Variants in NEK6 observed in about 807,000 individuals in gnomAD.
The protein encoded by NEK6 is serine/threonine-protein kinase Nek6.
NEK6 carries 27 observed loss-of-function variants against 43.5 expected under a neutral mutation model. The observed-to-expected ratio is 0.62, with a 90% CI of 0.46 to 0.86. The LOEUF is 0.86. Ranked by LOEUF, NEK6 falls within the 40% of genes least tolerant of loss-of-function variation. The pLI, the probability that NEK6 is intolerant of heterozygous loss-of-function variation, is 0.00. For synonymous variants in NEK6, 167 were observed against 164.1 expected, an observed-to-expected ratio of 1.02 and a Z score of -0.14; for missense variants, 318 against 414.4, an observed-to-expected ratio of 0.77 and a Z score of 2.02.
At chr9:124,345,485 C>CTGGA (rs1829871320) in intron 8 of NEK6, among the ~76,000 whole-genome samples, 1 of 152,172 alleles carries the variant, frequency 6.6e-6, no homozygotes, top group African/African-American at 2.4e-5. Context: ...GGAGAAAGTG[C>CTGGA]TGGAAAGAGC....
At chr9:124,294,248 C>T (rs1051557657) in intron 1 of NEK6, among the ~76,000 whole-genome samples, 3 of 152,220 alleles carry the variant, frequency 2.0e-5, no homozygotes, top group African/African-American at 7.2e-5. Context: ...TGCTTATAAT[C>T]TCAGCTACTC....
intron 1 of NEK6, chr9:124,292,429 C>T: frequency 6.5e-7 from 1 of 1,536,116 alleles, no homozygotes; most frequent in Non-Finnish European, 8.7e-7. Context: ...GTTTTGTCTG[C>T]CCCTTCCTGC....
chr9:124,275,314 A>C lies in NEK6; in HGVS notation c.-30+17229A>C, dbSNP rs12236627. Among the ~76,000 whole-genome samples, 148 of 152,292 alleles carry C rather than the reference A, an allele frequency of 9.7e-4. No individual in the cohort carries two copies. In the East Asian group the frequency reaches 0.026, roughly 27 times the overall value. On this transcript the variant is annotated intron_variant, in intron 1 of 9. Transcript: ENST00000320246. The surrounding 1 kb of genome is among the most constrained non-coding windows in gnomAD (Gnocchi z 4.4). ...GTCACTAACTTGCCGGATGTCTTTG[A>C]GTCATGGTTTCACCTGCCTGAGCCT...
At position 124,343,196 on chromosome 9, in the gene NEK6, G is replaced by A. The variant is rs1045808677; in HGVS notation, c.717+3531G>A. The stretch of plus-strand genomic sequence containing the variant: ...TTTGTTGGAGTGAGTGGGGCTGTGC[G>A]GCTCGCAGCTGGGGGGGCTGGACCA... On this transcript the variant is annotated intron_variant, in intron 8 of 9. Transcript: ENST00000320246. This position sits in a 1 kb window ranked among gnomAD's most constrained non-coding sequence, Gnocchi z 5.1. Among the ~76,000 whole-genome samples the A allele has an allele frequency of 2.0e-5, 3 of 151,582 alleles. No individual in the cohort carries two copies. Among genetic ancestry groups the A allele is most frequent in the Non-Finnish European group, 4.4e-5 (3 of 67,848 alleles).
chr9:124,323,220 G>A (rs1156570088), intron 5 of NEK6, among the ~76,000 whole-genome samples: 1 of 152,226 alleles, frequency 6.6e-6, no homozygotes, highest in Admixed American at 6.5e-5. Context: ...GCCTGTGGGA[G>A]TCAGAGAAGG....
chr9:124,325,751 C>T (rs1274111844), intron 5 of NEK6, among the ~76,000 whole-genome samples: 6 of 152,202 alleles, frequency 3.9e-5, no homozygotes, highest in African/African-American at 1.2e-4. Context: ...CAGACTGATG[C>T]CCGTTGGAAC....
chr9:124,279,029 A>G (rs913784770), intron 1 of NEK6, among the ~76,000 whole-genome samples: 2 of 152,056 alleles, frequency 1.3e-5, no homozygotes, highest in African/African-American at 4.8e-5. Context: ...GAGGTGATCA[A>G]TTTGGGCGAA....
intron 7 of NEK6, among the ~76,000 whole-genome samples, chr9:124,331,248 C>A (rs1163430847): frequency 1.8e-5 from 2 of 112,614 alleles, no homozygotes; most frequent in Non-Finnish European, 3.5e-5. Flanking sequence ...CCTGGGCGAG[C>A]GACTCTGTCT....
At chr9:124,267,404 G>A (rs1206078469) in intron 1 of NEK6, among the ~76,000 whole-genome samples, 2 of 152,198 alleles carry the variant, frequency 1.3e-5, no homozygotes, top group Non-Finnish European at 2.9e-5. Context: ...GAGTGGGCAC[G>A]GCGTGCCGGA....
At chr9:124,323,729 G>C (rs1198276089) in intron 5 of NEK6, among the ~76,000 whole-genome samples, 1 of 152,138 alleles carries the variant, frequency 6.6e-6, no homozygotes, top group Non-Finnish European at 1.5e-5. Context: ...CTTGGAGGGA[G>C]CATTGCAGGA....
Position 124,326,011 on chromosome 9 carries a change from T to C in NEK6, c.406-319T>C, listed in dbSNP as rs186532533. Among the ~76,000 whole-genome samples the C allele has an allele frequency of 6.6e-6, 1 of 152,168 alleles. No individual in the cohort carries two copies. The highest frequency in any genetic ancestry group is 1.5e-5 in the Non-Finnish European group (1 of 67,998). Reference sequence around the variant, plus strand: ...TCCAGGAGGTTCTGGAAAAATGCAGTTGAGGGCCACTTTCAGCATATTTGA... The same window carrying C: ...TCCAGGAGGTTCTGGAAAAATGCAGCTGAGGGCCACTTTCAGCATATTTGA... On this transcript the variant is annotated intron_variant, in intron 5 of 9. Transcript: ENST00000320246. This position sits in a 1 kb window ranked among gnomAD's most constrained non-coding sequence, Gnocchi z 4.5.
intron 1 of NEK6, among the ~76,000 whole-genome samples, chr9:124,284,057 A>G (rs537093529): frequency 2.6e-5 from 4 of 152,252 alleles, no homozygotes; most frequent in Non-Finnish European, 5.9e-5. Flanking sequence ...TCTTTAAAAT[A>G]CCAGATGTGG....
chr9:124,278,905 TG>T (rs1467960346), intron 1 of NEK6, among the ~76,000 whole-genome samples: 2 of 151,968 alleles, frequency 1.3e-5, no homozygotes, highest in Admixed American at 6.6e-5. Flanking sequence ...GAGACCAGGG[TG>T]GGGGGACCAA....
chr9:124,257,716 C>A (rs1471177941), upstream of NEK6: 3 of 1,533,090 alleles, frequency 2.0e-6, no homozygotes, highest in African/African-American at 1.4e-5. Context: ...CGCCGGCCTG[C>A]GCCCTGTGAG....
At chr9:124,327,535 T>G (rs1834409894) in intron 7 of NEK6, 90 bp downstream of exon 7, 3 of 1,009,202 alleles carry the variant, frequency 3.0e-6, no homozygotes, top group Non-Finnish European at 4.6e-6. Flanking sequence ...GTGTGTTTGG[T>G]CAGTTAGTGC....
At chr9:124,301,504 T>G (rs749308424) in intron 1 of NEK6, among the ~76,000 whole-genome samples, 6 of 152,056 alleles carry the variant, frequency 3.9e-5, no homozygotes, top group Non-Finnish European at 8.8e-5. Context: ...CCCAGGCCTT[T>G]CTCTTCTGAG....
At chr9:124,346,957 G>C (rs2131094988) in intron 8 of NEK6, among the ~76,000 whole-genome samples, 1 of 152,348 alleles carries the variant, frequency 6.6e-6, no homozygotes, top group East Asian at 1.9e-4. Context: ...ACAGGCCTGT[G>C]GGTGGGGACA....
chr9:124,307,518 A>C (rs1833315862), intron 2 of NEK6, among the ~76,000 whole-genome samples: 1 of 152,192 alleles, frequency 6.6e-6, no homozygotes. Flanking sequence ...CAGGCAGCCC[A>C]GGCCTTCTCC....
At chr9:124,300,104 TG>T in intron 1 of NEK6, 1 of 152,370 alleles carries the variant, frequency 6.6e-6, no homozygotes, top group African/African-American at 2.4e-5. Flanking sequence ...CTGCAAGTTC[TG>T]GGGAGCCTCA....
Sources: allele counts gnomAD v4.1 joint callset (sites outside exome capture counted in the v4.1 genomes callset), GRCh38; gene constraint gnomAD v4.1.1; non-coding constraint Gnocchi (gnomAD v3.1); transcripts MANE v1.5; gene names NCBI Gene and HGNC (gene_info 2026-07-23, HGNC 2026-07-21).